Variants in DDIAS observed in about 807,000 individuals in gnomAD.
DDIAS encodes the protein DNA damage-induced apoptosis suppressor protein.
In DDIAS, 14 loss-of-function variants were observed where a neutral mutation model predicts 15.7. That is an observed-to-expected ratio of 0.89 (90% confidence interval 0.59 to 1.39). The LOEUF is 1.39. Ranked by LOEUF, DDIAS falls within the 40% of genes most tolerant of loss-of-function variation. The pLI is 0.00. For synonymous variants in DDIAS, 355 were observed against 395.9 expected (o/e 0.90, Z 1.23); for missense variants, 1,035 against 1,130.9 (o/e 0.92, Z 1.22).
chr11:82,932,557 G>T lies in DDIAS; in HGVS notation c.1219G>T (p.Asp407Tyr), dbSNP rs1861018821. 1.9e-6 allele frequency: 3 copies of T among 1,614,176 alleles called. No individual in the cohort carries two copies. Among genetic ancestry groups the T allele is most frequent in the Non-Finnish European group, 2.5e-6 (3 of 1,180,030 alleles). Residue 407 changes from aspartate to tyrosine, a missense_variant, in exon 6 of 6, where the codon GAT (aspartate) becomes TAT (tyrosine). Coordinates refer to ENST00000533655, the MANE Select transcript of DDIAS (RefSeq NM_145018.4). ...TGAAGAGACAGCCAGCAGTTCCCAG[G>T]ATGGTGACCCTCAAATTTGGGATGA... The part of the protein sequence containing the change: ...RLEETASSSQ[D>Y]GDPQIWDDLP...
Position 82,934,423 on chromosome 11 carries a change from A to C in DDIAS, c.*88A>C. 2.2e-6 allele frequency: 3 copies of C among 1,358,892 alleles called. No individual in the cohort carries two copies. The highest frequency in any genetic ancestry group is 3.0e-6 in the Non-Finnish European group (3 of 1,004,982). The allele number at this position is 1,358,892 out of a possible 1,614,324, so 84.2% of individuals were successfully genotyped here. Reference sequence around the variant, plus strand: ...TACGGAAAGCATTCTTTACATTTTGAACACTTGGAGAGAAGCAAATTGAAA... The same window carrying C: ...TACGGAAAGCATTCTTTACATTTTGCACACTTGGAGAGAAGCAAATTGAAA... On this transcript the variant is annotated 3_prime_UTR_variant, in exon 6 of 6. Transcript: ENST00000533655.
At chr11:82,924,678 C>T (rs544110060) in intron 3 of DDIAS, among the ~76,000 whole-genome samples, 344 of 151,994 alleles carry the variant, frequency 2.3e-3, no homozygotes, top group African/African-American at 7.6e-3. Context: ...AGGCAGGCAT[C>T]GTGGCATGTG....
rs963319648 is a variant in DDIAS at position 82,932,212 on chromosome 11, A to C, written c.874A>C (p.Ile292Leu). 2.5e-6 allele frequency: 4 copies of C among 1,613,862 alleles called. No individual in the cohort carries two copies. The African/African-American group carries it at 5.3e-5, about 22-fold the overall frequency. ...TGGTTCCAGTAGCTGCCATGATCCCATTCAGGATTCATGGAGCCTTGTTTC... is the reference window on the plus strand; with the variant it reads ...TGGTTCCAGTAGCTGCCATGATCCCCTTCAGGATTCATGGAGCCTTGTTTC... ...ATGSSSCHDPIQDSWSLVSYM... is the reference protein window; with the variant it reads ...ATGSSSCHDPLQDSWSLVSYM... Residue 292 changes from isoleucine to leucine, a missense_variant, in exon 6 of 6, where the codon ATT becomes CTT. Transcript: ENST00000533655.
In DDIAS at chr11:82,932,579, A is replaced by T. The variant is rs1861019255; in HGVS notation, c.1241A>T (p.Asp414Val). Residue 414 changes from aspartate (D) to valine (V), a missense_variant, in exon 6 of 6, where the codon GAT becomes GTT. Physicochemically the swap from Asp to Val is radical, Grantham distance 152. Transcript: ENST00000533655. ...SSQDGDPQIW[D>V]DLPFSESLNK... Reference sequence around the variant, plus strand: ...CAGGATGGTGACCCTCAAATTTGGGATGATCTGCCATTCTCTGAAAGCCTG... The same window carrying T: ...CAGGATGGTGACCCTCAAATTTGGGTTGATCTGCCATTCTCTGAAAGCCTG... 1 of 1,614,184 alleles carries T rather than the reference A, an allele frequency of 6.2e-7. No homozygotes were observed. Among genetic ancestry groups the T allele is most frequent in the Non-Finnish European group, 8.5e-7 (1 of 1,180,028 alleles).
chr11:82,928,910 T>G lies in DDIAS; in HGVS notation c.247T>G (p.Phe83Val), dbSNP rs201402103. The G allele has an allele frequency of 6.2e-7, 1 of 1,612,342 alleles. No homozygotes were observed. The highest frequency in any genetic ancestry group is 2.2e-5 in the East Asian group (1 of 44,748). Residue 83 changes from phenylalanine (F) to valine (V), a missense_variant, in exon 4 of 6, where the codon TTT becomes GTT. Transcript: ENST00000533655. ...TVFGSCLDTF[F>V]GLTATGLHRY... ...ATTTGGAAGTTGCTTAGATACATTTTTTGGTCTTACTGCCACTGGTTTGCA... is the reference window on the plus strand; with the variant it reads ...ATTTGGAAGTTGCTTAGATACATTTGTTGGTCTTACTGCCACTGGTTTGCA...
chr11:82,920,036 T>G (rs1421719886), intron 3 of DDIAS, among the ~76,000 whole-genome samples: 1 of 152,218 alleles, frequency 6.6e-6, no homozygotes, highest in Non-Finnish European at 1.5e-5. Context: ...TGTTGGTAAT[T>G]TTTTAATTCC....
chr11:82,933,121 C>G lies in DDIAS; in HGVS notation c.1783C>G (p.Leu595Val), dbSNP rs369127201. The change falls in exon 6 of 6, where the codon CTG becomes GTG. Residue 595 changes from leucine (L) to valine (V), a missense_variant. By Grantham distance (32) the Leu-to-Val change is conservative. Transcript: ENST00000533655. ...AGAAATGAATGAAAAGTTGACAACT[C>G]TGTGTTATAGGAAGTATAATGATGT... ...VSEMNEKLTT[L>V]CYRKYNDVSD... 22 of 1,605,158 alleles carry G rather than the reference C, an allele frequency of 1.4e-5. No homozygotes were observed. The highest frequency in any genetic ancestry group is 8.5e-7 in the Non-Finnish European group (1 of 1,179,004).
chr11:82,906,705 A>G (rs1860439506), intron 1 of DDIAS, among the ~76,000 whole-genome samples: 1 of 152,180 alleles, frequency 6.6e-6, no homozygotes, highest in Non-Finnish European at 1.5e-5. Context: ...CTCTGCTCAC[A>G]ATATGAACAG....
intron 3 of DDIAS, among the ~76,000 whole-genome samples, chr11:82,915,292 G>T (rs533441818): frequency 6.6e-6 from 1 of 152,126 alleles, no homozygotes; most frequent in African/African-American, 2.4e-5. Flanking sequence ...GGTGTTTGGC[G>T]TATAATTCTT....
intron 1 of DDIAS, among the ~76,000 whole-genome samples, chr11:82,911,740 C>G (rs1175716451): frequency 6.6e-6 from 1 of 152,224 alleles, no homozygotes; most frequent in Admixed American, 6.5e-5. Flanking sequence ...AGATTTTCAA[C>G]TTACTTTGCC....
intron 3 of DDIAS, among the ~76,000 whole-genome samples, chr11:82,921,089 G>A (rs1395526847): frequency 6.6e-6 from 1 of 152,066 alleles, no homozygotes; most frequent in Non-Finnish European, 1.5e-5. Flanking sequence ...TTAGGATTGT[G>A]ATATTTCTCG....
rs541845327 is a variant in DDIAS, at chr11:82,928,177, CTTTTTTTTTTTTTTTTTTTT to C, written c.114-580_114-561del. Among the ~76,000 whole-genome samples, 21 of 34,214 alleles carry C rather than the reference CTTTTTTTTTTTTTTTTTTTT, an allele frequency of 6.1e-4. 1 individual carries two copies. The highest frequency in any genetic ancestry group is 5.6e-3 in the South Asian group (4 of 708). 22.4% of individuals were successfully genotyped at this position (34,214 alleles called of 152,430 possible). A position where few individuals can be genotyped will look rare whatever the true frequency, so the allele number is the denominator to read the frequency against. ...ATATTTTGAGATTATTTTTTGTCCT[CTTTTTTTTTTTTTTTTTTTT>C]TTTTTTTTTTTTTTTTTTTGAGACG... On this transcript the variant is annotated intron_variant, in intron 3 of 5. Coordinates refer to ENST00000533655, the MANE Select transcript of DDIAS (RefSeq NM_145018.4).
At chr11:82,925,198 GT>G (rs1266299579) in intron 3 of DDIAS, among the ~76,000 whole-genome samples, 1 of 152,174 alleles carries the variant, frequency 6.6e-6, no homozygotes, top group Non-Finnish European at 1.5e-5. Flanking sequence ...ATAAAAGTAT[GT>G]TTTTTGTGTT....
intron 3 of DDIAS, among the ~76,000 whole-genome samples, chr11:82,916,478 G>C (rs1336445196): frequency 6.6e-6 from 1 of 151,372 alleles, no homozygotes; most frequent in South Asian, 2.1e-4. Flanking sequence ...TGCCTAATAA[G>C]GTTCTTGTAA....
intron 1 of DDIAS, 30 bp downstream of exon 1, chr11:82,901,852 C>G (rs1246871679): frequency 2.0e-5 from 3 of 152,138 alleles, no homozygotes; most frequent in African/African-American, 7.2e-5. Flanking sequence ...TCTCGGGAAG[C>G]CGAAGAGCCG....
In DDIAS at chr11:82,914,821, G is replaced by A; in HGVS notation, c.83G>A (p.Cys28Tyr). ...SSFIYPSCQKCFSRIILVSKR... is the reference protein window; with the variant it reads ...SSFIYPSCQKYFSRIILVSKR... ...TTTATATATCCATCATGTCAGAAGT[G>A]CTTCTCTAGGATAATCCTGGTCTCC... The change falls in exon 3 of 6, where the codon TGC (cysteine) becomes TAC (tyrosine). Residue 28 changes from cysteine (C) to tyrosine (Y), a missense_variant. By Grantham distance (194) the Cys-to-Tyr change is radical. Coordinates refer to ENST00000533655, the MANE Select transcript of DDIAS (RefSeq NM_145018.4). The A allele has an allele frequency of 2.5e-6, 4 of 1,600,412 alleles. No homozygotes were observed. Among genetic ancestry groups the A allele is most frequent in the Non-Finnish European group, 3.4e-6 (4 of 1,168,428 alleles).
In DDIAS at chr11:82,933,455, C is replaced by A; in HGVS notation, c.2117C>A (p.Thr706Lys). The A allele has an allele frequency of 1.2e-6, 2 of 1,613,886 alleles. No individual in the cohort carries two copies. The highest frequency in any genetic ancestry group is 1.1e-5 in the South Asian group (1 of 91,066). Reference sequence around the variant, plus strand: ...CAGGATATTTTGTTAAAATGGGGAACATCTTTGGCAGAAAGTCACCCTTCA... The same window carrying A: ...CAGGATATTTTGTTAAAATGGGGAAAATCTTTGGCAGAAAGTCACCCTTCA... ...KSQDILLKWG[T>K]SLAESHPSES... Residue 706 changes from threonine to lysine, a missense_variant, in exon 6 of 6, where the codon ACA becomes AAA. Transcript: ENST00000533655.
chr11:82,918,742 C>A (rs1184393787), intron 3 of DDIAS, among the ~76,000 whole-genome samples: 2 of 152,130 alleles, frequency 1.3e-5, no homozygotes, highest in African/African-American at 4.8e-5. Flanking sequence ...TCTATGATTT[C>A]TTTCAGCAAT....
intron 3 of DDIAS, among the ~76,000 whole-genome samples, chr11:82,921,666 C>T (rs192843282): frequency 6.0e-5 from 9 of 150,718 alleles, no homozygotes; most frequent in East Asian, 1.9e-4. Flanking sequence ...CACCCTCCGC[C>T]CCCCCAGGTT....
Sources: gnomAD v4.1 joint callset for allele counts (sites outside exome capture counted in the v4.1 genomes callset) on GRCh38, gnomAD v4.1.1 for gene constraint, MANE v1.5 for transcripts, NCBI Gene and HGNC (gene_info 2026-07-23, HGNC 2026-07-21) for gene names.